ATG7: variants seen among roughly 807,000 people sequenced by gnomAD.
ATG7 encodes ubiquitin-like modifier-activating enzyme ATG7.
In ATG7, 70 loss-of-function variants were observed where a neutral mutation model predicts 82.4. The ratio of observed to expected loss-of-function variants is 0.85; its 90% CI spans 0.70 to 1.04. The LOEUF is 1.04. Ranked by LOEUF, ATG7 falls within the 50% of genes least tolerant of loss-of-function variation. The pLI is 0.00. For synonymous variants in ATG7, 287 were observed against 313.0 expected, an observed-to-expected ratio of 0.92 and a Z score of 0.88; for missense variants, 792 against 864.3, an observed-to-expected ratio of 0.92 and a Z score of 1.05.
At chr3:11,470,207 CTG>C (rs2087333569) in intron 20 of ATG7, among the ~76,000 whole-genome samples, 1 of 152,138 alleles carries the variant, frequency 6.6e-6, no homozygotes, top group Non-Finnish European at 1.5e-5. Flanking sequence ...TGTGGCACCT[CTG>C]TAGTCACACA....
At chr3:11,507,282 AAAAT>A (rs1315752418) in intron 20 of ATG7, among the ~76,000 whole-genome samples, 4 of 152,242 alleles carry the variant, frequency 2.6e-5, no homozygotes, top group Non-Finnish European at 4.4e-5. Flanking sequence ...ACTCCATCTC[AAAAT>A]AAATAAATAA....
At chr3:11,461,095 A>G (rs1196320309) in intron 20 of ATG7, among the ~76,000 whole-genome samples, 1 of 152,224 alleles carries the variant, frequency 6.6e-6, no homozygotes, top group East Asian at 1.9e-4. Flanking sequence ...AGCTGTGGCA[A>G]AGACCTTTAG....
chr3:11,358,703 G>T lies in ATG7; in HGVS notation c.1479+91G>T, dbSNP rs1318606898. ...CTAACCTTCCCTTCCCCAGGGCAGA[G>T]ATGTGGTTTGTGTGACCTGGTAGCA... On this transcript the variant is annotated intron_variant, in intron 15 of 20. Coordinates refer to ENST00000693202, the MANE Select transcript of ATG7 (RefSeq NM_001349232.2). The T allele has an allele frequency of 1.5e-5, 21 of 1,395,028 alleles. No homozygotes were observed. In the African/African-American group the frequency reaches 2.7e-4, roughly 18 times the overall value. The allele number at this position is 1,395,028 out of a possible 1,614,324, so 86.4% of individuals were successfully genotyped here. A position where few individuals can be genotyped will look rare whatever the true frequency, so the allele number is the denominator to read the frequency against.
At chr3:11,541,142 C>T (rs554212433) in intron 20 of ATG7, among the ~76,000 whole-genome samples, 20 of 152,240 alleles carry the variant, frequency 1.3e-4, no homozygotes, top group Middle Eastern at 3.4e-3. Context: ...CTTCGTGATC[C>T]GCCCGCCTCG....
intron 9 of ATG7, among the ~76,000 whole-genome samples, chr3:11,330,739 G>T (rs945455895): frequency 4.6e-5 from 7 of 152,206 alleles, no homozygotes; most frequent in African/African-American, 1.4e-4. Context: ...TGTGAAAGCA[G>T]CAAGGACAGG....
At chr3:11,406,058 C>T (rs989093010) in intron 19 of ATG7, among the ~76,000 whole-genome samples, 12 of 150,566 alleles carry the variant, frequency 8.0e-5, no homozygotes, top group African/African-American at 1.2e-4. Context: ...GGCATGATCC[C>T]GGCTCACTGC....
At chr3:11,383,361 C>G (rs144013696) in intron 19 of ATG7, among the ~76,000 whole-genome samples, 102 of 152,238 alleles carry the variant, frequency 6.7e-4, no homozygotes, top group Non-Finnish European at 1.2e-3. Flanking sequence ...TGATTCGATT[C>G]AGGTTATGAA....
chr3:11,391,959 G>GT (rs1051297107), intron 19 of ATG7, among the ~76,000 whole-genome samples: 11 of 28,846 alleles, frequency 3.8e-4, no homozygotes, highest in East Asian at 1.8e-3. Context: ...TGTACTTATT[G>GT]GGGGGGGGGT....
intron 20 of ATG7, among the ~76,000 whole-genome samples, chr3:11,469,199 C>T (rs2087145606): frequency 6.6e-6 from 1 of 152,168 alleles, no homozygotes; most frequent in Non-Finnish European, 1.5e-5. Context: ...CCTGTAATCC[C>T]AGCACTTTGG....
chr3:11,404,356 G>A (rs2080131012), intron 19 of ATG7, among the ~76,000 whole-genome samples: 1 of 151,854 alleles, frequency 6.6e-6, no homozygotes, highest in African/African-American at 2.4e-5. Flanking sequence ...GGCTGGTCAT[G>A]AACTCCTGAC....
the ATG7 span, chr3:11,565,097 T>C: frequency 7.7e-7 from 1 of 1,303,056 alleles, no homozygotes; most frequent in South Asian, 1.9e-5. The surrounding 1 kb of genome is among the most constrained non-coding windows in gnomAD (Gnocchi z 4.1). Context: ...AGGCACTCCG[T>C]GTTGCTTATT....
chr3:11,422,801 G>A (rs1176831541), intron 19 of ATG7, among the ~76,000 whole-genome samples: 1 of 126,372 alleles, frequency 7.9e-6, no homozygotes, highest in African/African-American at 3.1e-5. Flanking sequence ...TGCCCAGGCT[G>A]GAGTGCAGTG....
intron 19 of ATG7, among the ~76,000 whole-genome samples, chr3:11,389,751 A>G (rs142344472): frequency 6.6e-6 from 1 of 152,322 alleles, no homozygotes; most frequent in East Asian, 1.9e-4. Flanking sequence ...CACGAGGACT[A>G]CTGTGGAGCA....
intron 9 of ATG7, among the ~76,000 whole-genome samples, chr3:11,328,663 A>C (rs1951211241): frequency 1.3e-5 from 2 of 152,264 alleles, no homozygotes; most frequent in Non-Finnish European, 2.9e-5. Context: ...AGACTACTTA[A>C]TTGTCCTTCA....
At chr3:11,483,216 G>A (rs1227519718) in intron 20 of ATG7, among the ~76,000 whole-genome samples, 3 of 152,138 alleles carry the variant, frequency 2.0e-5, no homozygotes, top group Non-Finnish European at 4.4e-5. Flanking sequence ...TCATGGAGAG[G>A]TAAAGTGATA....
At chr3:11,570,223 G>A in the ATG7 span, among the ~76,000 whole-genome samples, 1 of 151,946 alleles carries the variant, frequency 6.6e-6, no homozygotes. Flanking sequence ...GCTCAGGGTC[G>A]TCACACCAGG....
At chr3:11,574,023 C>G in the ATG7 span, among the ~76,000 whole-genome samples, 2 of 152,170 alleles carry the variant, frequency 1.3e-5, no homozygotes, top group Non-Finnish European at 2.9e-5. Context: ...ATGCCAGAGG[C>G]CACCAGCAGC....
At chr3:11,541,120 T>C (rs550535896) in intron 20 of ATG7, among the ~76,000 whole-genome samples, 3 of 152,310 alleles carry the variant, frequency 2.0e-5, no homozygotes, top group African/African-American at 7.2e-5. Flanking sequence ...CAGGATGGTC[T>C]CGATCTCCTG....
chr3:11,384,359 C>T lies in ATG7; in HGVS notation c.1956+4307C>T, dbSNP rs2078151602. Among the ~76,000 whole-genome samples the T allele has an allele frequency of 2.0e-5, 3 of 152,300 alleles. No homozygotes were observed. In the South Asian group the frequency reaches 6.2e-4, roughly 32 times the overall value. The stretch of plus-strand genomic sequence containing the variant: ...CTGCGCAGATGCAGCAAGATGTGCC[C>T]AGAAACCTGATCTTGAGATTTCAGT... On this transcript the variant is annotated intron_variant, in intron 19 of 20. Transcript: ENST00000693202.
Sources: gnomAD v4.1 joint callset for allele counts (sites outside exome capture counted in the v4.1 genomes callset) on GRCh38, gnomAD v4.1.1 for gene constraint, Gnocchi (gnomAD v3.1) non-coding constraint, MANE v1.5 for transcripts, NCBI Gene and HGNC (gene_info 2026-07-23, HGNC 2026-07-21) for gene names.